Variants in FAT3 observed in about 807,000 individuals in gnomAD.
FAT3 encodes FAT atypical cadherin 3.
A neutral mutation model predicts 310.2 loss-of-function variants in FAT3; 95 were observed. That is an observed-to-expected ratio of 0.31 (90% CI 0.26 to 0.36). The LOEUF (loss-of-function observed/expected upper bound fraction) is 0.36, where lower values mean the gene tolerates loss of function less well. Ranked by LOEUF, FAT3 falls within the 10% of genes least tolerant of loss-of-function variation. The pLI is 1.00. For synonymous variants in FAT3, 2,314 were observed against 2,192.9 expected, an observed-to-expected ratio of 1.06 and a Z score of -1.54; for missense variants, 5,408 against 5,715.6, an observed-to-expected ratio of 0.95 and a Z score of 1.74.
At position 92,646,730 on chromosome 11, in the gene FAT3, G is replaced by A. The variant is rs75078143; in HGVS notation, c.3608-50654G>A. 2.1e-4 allele frequency among the ~76,000 whole-genome samples: 32 copies of A among 152,230 alleles called. No homozygotes were observed. The East Asian group carries it at 5.6e-3, about 27-fold the overall frequency. ...ATAAGGTTCAAATCATGAAGGTACTGGAGAAGAGTATTCCCAAAAAAGGAA... is the reference window on the plus strand; with the variant it reads ...ATAAGGTTCAAATCATGAAGGTACTAGAGAAGAGTATTCCCAAAAAAGGAA... On this transcript the variant is annotated intron_variant, in intron 3 of 27. Coordinates refer to ENST00000525166, the MANE Select transcript of FAT3 (RefSeq NM_001367949.2).
At position 92,354,467 on chromosome 11, in the gene FAT3, C is replaced by A; in HGVS notation, c.2355C>A (p.Val785=). 6.2e-7 allele frequency: 1 copy of A among 1,613,794 alleles called. No homozygotes were observed. Residue 785 remains valine (V), a synonymous_variant, in exon 2 of 28, where the codon GTC becomes GTA. Transcript: ENST00000525166. The part of the protein sequence containing the change: ...NIDMETGQLK[V]LMPMDREHTD... Reference sequence around the variant, plus strand: ...ATATGGAGACTGGGCAGCTTAAAGTCCTTATGCCCATGGATCGAGAACACA... The same window carrying A: ...ATATGGAGACTGGGCAGCTTAAAGTACTTATGCCCATGGATCGAGAACACA...
chr11:92,488,672 T>C (rs1260006141), intron 2 of FAT3, among the ~76,000 whole-genome samples: 1 of 151,930 alleles, frequency 6.6e-6, no homozygotes, highest in Non-Finnish European at 1.5e-5. Flanking sequence ...CCAGGCTCCT[T>C]TTGGATTAAC....
chr11:92,872,568 A>G (rs940765224), intron 22 of FAT3, among the ~76,000 whole-genome samples: 3 of 152,270 alleles, frequency 2.0e-5, no homozygotes, highest in African/African-American at 7.2e-5. Context: ...TCATGGTAAC[A>G]GCATTAATAA....
chr11:92,640,147 G>T (rs951339173), intron 3 of FAT3, among the ~76,000 whole-genome samples: 1 of 151,938 alleles, frequency 6.6e-6, no homozygotes, highest in Admixed American at 6.6e-5. Context: ...GGCTACATCA[G>T]GGTCCTCTAA....
At chr11:92,565,998 A>G (rs933007690) in intron 3 of FAT3, among the ~76,000 whole-genome samples, 1 of 152,172 alleles carries the variant, frequency 6.6e-6, no homozygotes, top group Non-Finnish European at 1.5e-5. Flanking sequence ...GCCCTCTCTC[A>G]CCACTCCTAT....
At chr11:92,577,939 G>GGA (rs562928295) in intron 3 of FAT3, among the ~76,000 whole-genome samples, 1 of 151,946 alleles carries the variant, frequency 6.6e-6, no homozygotes, top group Non-Finnish European at 1.5e-5. Flanking sequence ...AGAGACAGAT[G>GGA]GAGAGAGAGA....
chr11:92,811,172 A>G (rs1947661499), intron 13 of FAT3, among the ~76,000 whole-genome samples: 1 of 151,996 alleles, frequency 6.6e-6, no homozygotes, highest in Admixed American at 6.6e-5. Flanking sequence ...AACAAGAAAG[A>G]CCTCTTATTG....
At chr11:92,568,552 A>G (rs1316354188) in intron 3 of FAT3, among the ~76,000 whole-genome samples, 2 of 152,196 alleles carry the variant, frequency 1.3e-5, no homozygotes, top group African/African-American at 4.8e-5. Context: ...AGAAAATCTC[A>G]GGCAACATTT....
At chr11:92,450,989 C>T (rs116804618) in intron 2 of FAT3, among the ~76,000 whole-genome samples, 1,543 of 152,250 alleles carry the variant, frequency 0.01, 30 homozygotes, top group African/African-American at 0.035. Flanking sequence ...AGATAATTTT[C>T]CCAGAGACTA....
intron 3 of FAT3, among the ~76,000 whole-genome samples, chr11:92,574,184 G>A (rs933699058): frequency 2.6e-5 from 4 of 152,122 alleles, no homozygotes; most frequent in Admixed American, 6.6e-5. Flanking sequence ...GTTTAGAAGC[G>A]TTATGGTCTT....
At chr11:92,540,297 A>G (rs1259153009) in intron 3 of FAT3, among the ~76,000 whole-genome samples, 3 of 152,242 alleles carry the variant, frequency 2.0e-5, no homozygotes, top group South Asian at 2.1e-4. Context: ...CCTCCCATAG[A>G]GTGAAAGTAC....
chr11:92,586,704 A>G (rs1412362531), intron 3 of FAT3, among the ~76,000 whole-genome samples: 2 of 152,024 alleles, frequency 1.3e-5, no homozygotes, highest in African/African-American at 4.8e-5. Context: ...TCTACTAATC[A>G]TGATTAAAAT....
chr11:92,366,460 G>A (rs1949025270), intron 2 of FAT3: 1 of 392,606 alleles, frequency 2.5e-6, no homozygotes, highest in African/African-American at 2.1e-5. Context: ...CAGACAGGGA[G>A]GGTGCTCCTG....
intron 1 of FAT3, among the ~76,000 whole-genome samples, chr11:92,301,793 T>G (rs182102212): frequency 1.8e-4 from 28 of 152,192 alleles, no homozygotes; most frequent in Admixed American, 1.6e-3. Flanking sequence ...GTGTGCCTCA[T>G]AGTGGGTCTA....
At chr11:92,260,835 C>G (rs998544551) in intron 1 of FAT3, among the ~76,000 whole-genome samples, 1 of 151,924 alleles carries the variant, frequency 6.6e-6, no homozygotes, top group Admixed American at 6.6e-5. Context: ...ATACAAGAGT[C>G]GAGACAATTT....
intron 1 of FAT3, among the ~76,000 whole-genome samples, chr11:92,261,736 G>A (rs1865563614): frequency 6.6e-6 from 1 of 151,928 alleles, no homozygotes; most frequent in Non-Finnish European, 1.5e-5. Flanking sequence ...TTGCTCCAGA[G>A]GTTTATTTTA....
At chr11:92,778,289 G>A (rs532930737) in intron 7 of FAT3, among the ~76,000 whole-genome samples, 5 of 152,206 alleles carry the variant, frequency 3.3e-5, no homozygotes, top group African/African-American at 1.2e-4. Flanking sequence ...CATGTCCCAA[G>A]AATTATCCCA....
intron 2 of FAT3, among the ~76,000 whole-genome samples, chr11:92,480,605 G>C (rs929806334): frequency 6.6e-6 from 1 of 152,176 alleles, no homozygotes; most frequent in African/African-American, 2.4e-5. Context: ...GTAGCAAAAT[G>C]TAATATGTCC....
rs375962719 is a variant in FAT3 at position 92,890,552 on chromosome 11, G to A, written c.13209G>A (p.Val4403=). The A allele has an allele frequency of 2.5e-6, 4 of 1,612,574 alleles. No homozygotes were observed. The highest frequency in any genetic ancestry group is 2.7e-5 in the African/African-American group (2 of 74,438). ...PGARLSDIEE[V]PNYENQDGGS... is the part of the protein sequence containing the mutation. ...CCCGCCTGTCGGACATAGAGGAAGT[G>A]CCCAACTATGAGAACCAGGATGGAG... Residue 4403 remains valine, a synonymous_variant, in exon 28 of 28, where the codon GTG becomes GTA. Coordinates refer to ENST00000525166, the MANE Select transcript of FAT3 (RefSeq NM_001367949.2).
Sources: allele counts gnomAD v4.1 joint callset (sites outside exome capture counted in the v4.1 genomes callset), GRCh38; gene constraint gnomAD v4.1.1; transcripts MANE v1.5; gene names NCBI Gene and HGNC (gene_info 2026-07-23, HGNC 2026-07-21).